DAB1: variants seen among roughly 807,000 people sequenced by gnomAD.
DAB1 encodes the protein DAB adaptor protein 1.
Under a neutral mutation model 64.6 loss-of-function variants are expected in DAB1, and 15 were observed. The ratio of observed to expected loss-of-function variants is 0.23; its 90% CI spans 0.16 to 0.36. DAB1 has a LOEUF of 0.36. Ranked by LOEUF, DAB1 falls within the 10% of genes least tolerant of loss-of-function variation. The pLI is 1.00. For synonymous variants in DAB1, 235 were observed against 251.9 expected (o/e 0.93, Z 0.64); for missense variants, 596 against 706.7 (o/e 0.84, Z 1.78).
At chr1:58,063,354 T>C (rs1360297894) in intron 5 of DAB1, among the ~76,000 whole-genome samples, 1 of 152,008 alleles carries the variant, frequency 6.6e-6, no homozygotes, top group East Asian at 1.9e-4. Context: ...AGCCTTGCTA[T>C]AGGAAAAAAT....
intron 7 of DAB1, among the ~76,000 whole-genome samples, chr1:57,585,154 C>T (rs984174759): frequency 1.4e-5 from 2 of 141,658 alleles, no homozygotes; most frequent in Admixed American, 7.6e-5. Flanking sequence ...GAGGCTGAGG[C>T]AGGAGAATCG....
At chr1:58,127,226 T>C (rs1222289872) in intron 5 of DAB1, among the ~76,000 whole-genome samples, 1 of 152,212 alleles carries the variant, frequency 6.6e-6, no homozygotes, top group African/African-American at 2.4e-5. Flanking sequence ...TGAGCATTTT[T>C]TCATGTGTTT....
At chr1:57,742,794 G>A (rs904556494) in intron 6 of DAB1, among the ~76,000 whole-genome samples, 1 of 152,166 alleles carries the variant, frequency 6.6e-6, no homozygotes, top group Admixed American at 6.5e-5. Context: ...CTGAAGGAGT[G>A]GTGGGATTTA....
intron 1 of DAB1, among the ~76,000 whole-genome samples, chr1:57,326,612 A>G (rs998323620): frequency 1.3e-5 from 2 of 152,218 alleles, no homozygotes; most frequent in Admixed American, 6.5e-5. Context: ...TTTATTTCTT[A>G]ACAGCTGGAG....
At chr1:58,089,897 C>G (rs891556101) in intron 5 of DAB1, among the ~76,000 whole-genome samples, 5 of 152,246 alleles carry the variant, frequency 3.3e-5, no homozygotes, top group Admixed American at 3.3e-4. Flanking sequence ...GTTTATTTAG[C>G]CAAATGAAAA....
chr1:57,060,792 G>A (rs1236262858), intron 9 of DAB1, among the ~76,000 whole-genome samples: 1 of 151,968 alleles, frequency 6.6e-6, no homozygotes, highest in Non-Finnish European at 1.5e-5. Context: ...CTAGGCTGGA[G>A]AGGGGACCTT....
intron 3 of DAB1, among the ~76,000 whole-genome samples, chr1:58,465,837 C>G (rs573586977): frequency 6.6e-6 from 1 of 152,210 alleles, no homozygotes; most frequent in Non-Finnish European, 1.5e-5. Flanking sequence ...GGGTTCAGTG[C>G]CTTGCCTGCA....
intron 3 of DAB1, among the ~76,000 whole-genome samples, chr1:58,474,923 C>T (rs772091162): frequency 3.9e-5 from 6 of 152,132 alleles, no homozygotes; most frequent in Non-Finnish European, 8.8e-5. Context: ...ACATGCCTCA[C>T]GGGGTTGCTG....
At chr1:57,070,993 T>C (rs937795658) in intron 7 of DAB1, 30 bp downstream of exon 7, 20 of 1,597,942 alleles carry the variant, frequency 1.3e-5, no homozygotes, top group Non-Finnish European at 1.7e-5. Flanking sequence ...CACTCTTGAA[T>C]CTAAAACCCC....
chr1:58,439,284 G>GA (rs78068332), intron 3 of DAB1, among the ~76,000 whole-genome samples: 22,375 of 151,928 alleles, frequency 0.15, 2,121 homozygotes, highest in East Asian at 0.29. Context: ...AGCCTTTCAT[G>GA]ACTTCCACTG....
At chr1:58,083,675 G>C (rs1275464699) in intron 5 of DAB1, among the ~76,000 whole-genome samples, 2 of 152,194 alleles carry the variant, frequency 1.3e-5, no homozygotes, top group African/African-American at 2.4e-5. Context: ...AGACATTGGT[G>C]AATAAAATAG....
intron 3 of DAB1, among the ~76,000 whole-genome samples, chr1:58,362,169 T>C (rs1403217865): frequency 6.6e-6 from 1 of 152,148 alleles, no homozygotes; most frequent in Non-Finnish European, 1.5e-5. Flanking sequence ...AACTGCTCCA[T>C]CCCAGTCTCC....
chr1:57,968,473 A>C (rs1645720999), intron 5 of DAB1, among the ~76,000 whole-genome samples: 1 of 152,150 alleles, frequency 6.6e-6, no homozygotes, highest in Non-Finnish European at 1.5e-5. Flanking sequence ...TCATCTTTTT[A>C]AAAAACAAAC....
chr1:57,011,660 A>G (rs1384715617), intron 12 of DAB1, among the ~76,000 whole-genome samples: 1 of 152,234 alleles, frequency 6.6e-6, no homozygotes, highest in Non-Finnish European at 1.5e-5. Flanking sequence ...GCTGAGAACT[A>G]CTGGGCTATG....
chr1:58,475,258 C>A lies in DAB1; in HGVS notation n.257+30802G>T, dbSNP rs770638024. Reference sequence around the variant, plus strand: ...GTAACCTCTGCCTCCTGGGCTCAAGCGATACTCCTGTCTCAGCCTCCCGAG... The same window carrying A: ...GTAACCTCTGCCTCCTGGGCTCAAGAGATACTCCTGTCTCAGCCTCCCGAG... On this transcript the variant is annotated intron_variant and non_coding_transcript_variant, in intron 3 of 20. Coordinates refer to the DAB1 transcript ENST00000485760. Among the ~76,000 whole-genome samples, 3 of 152,074 alleles carry A rather than the reference C, an allele frequency of 2.0e-5. No homozygotes were observed. In the South Asian group the frequency reaches 6.2e-4, roughly 32 times the overall value.
At position 57,859,864 on chromosome 1, in the gene DAB1, G is replaced by T. The variant is rs190330409; in HGVS notation, n.87+24135C>A. On this transcript the variant is annotated intron_variant and non_coding_transcript_variant, in intron 1 of 1. Transcript: ENST00000477280. ...GGACTATACCTGGATGAAGGTAAAA[G>T]CTACTATTAGACAAAGACCTCTAAT... Among the ~76,000 whole-genome samples the T allele has an allele frequency of 7.4e-4, 112 of 152,314 alleles. 1 individual carries two copies. Among genetic ancestry groups the T allele is most frequent in the African/African-American group, 2.5e-3 (105 of 41,570 alleles).
chr1:57,367,126 T>C (rs540081451), intron 1 of DAB1, among the ~76,000 whole-genome samples: 1 of 130,536 alleles, frequency 7.7e-6, no homozygotes, highest in Non-Finnish European at 1.8e-5. Flanking sequence ...AATAAATAAA[T>C]TAGCCAGGCA....
chr1:58,124,299 A>G (rs572560633), intron 5 of DAB1, among the ~76,000 whole-genome samples: 85 of 152,230 alleles, frequency 5.6e-4, no homozygotes, highest in African/African-American at 2.0e-3. Flanking sequence ...AAGCACCAGC[A>G]CTCTAAATAG....
chr1:57,456,662 T>G (rs961188181), intron 7 of DAB1, among the ~76,000 whole-genome samples: 7 of 152,050 alleles, frequency 4.6e-5, no homozygotes, highest in African/African-American at 1.7e-4. Context: ...AGTATCAAGG[T>G]AGTAACAAAA....
Sources: gnomAD v4.1 joint callset for allele counts (sites outside exome capture counted in the v4.1 genomes callset) on GRCh38, gnomAD v4.1.1 for gene constraint, MANE v1.5 for transcripts, NCBI Gene and HGNC (gene_info 2026-07-23, HGNC 2026-07-21) for gene names.